The following CDC14A variants were observed in gnomAD, a reference collection of about 807,000 sequenced individuals.
The protein encoded by CDC14A is cell division cycle 14A.
In CDC14A, 53 loss-of-function variants were observed where a neutral mutation model predicts 74.4. That is an observed-to-expected ratio of 0.71 (90% CI 0.57 to 0.89). CDC14A has a LOEUF of 0.89. Ranked by LOEUF, CDC14A falls within the 40% of genes least tolerant of loss-of-function variation. CDC14A has a pLI of 0.00. For synonymous variants in CDC14A, 247 were observed against 258.4 expected, an observed-to-expected ratio of 0.96 and a Z score of 0.43; for missense variants, 646 against 713.7, an observed-to-expected ratio of 0.91 and a Z score of 1.08.
chr1:100,377,113 C>T (rs528141113), intron 2 of CDC14A, among the ~76,000 whole-genome samples: 7 of 151,794 alleles, frequency 4.6e-5, no homozygotes, highest in Non-Finnish European at 1.0e-4. Flanking sequence ...TGGCTCACCG[C>T]AACCTCCACC....
intron 5 of CDC14A, among the ~76,000 whole-genome samples, chr1:100,435,039 T>A (rs958909714): frequency 1.1e-4 from 17 of 152,154 alleles, no homozygotes; most frequent in African/African-American, 3.1e-4. Flanking sequence ...ATTAGAAACT[T>A]GAGGTGGGGC....
chr1:100,370,039 A>T (rs888475436), intron 2 of CDC14A, among the ~76,000 whole-genome samples: 1 of 151,190 alleles, frequency 6.6e-6, no homozygotes, highest in African/African-American at 2.4e-5. Flanking sequence ...GCTGGAGTGT[A>T]GTGGCACCAT....
intron 4 of CDC14A, among the ~76,000 whole-genome samples, chr1:100,413,307 G>A (rs538189913): frequency 6.6e-6 from 1 of 152,260 alleles, no homozygotes; most frequent in African/African-American, 2.4e-5. Context: ...CTATTCTTCA[G>A]TGAGTTCAAA....
At chr1:100,351,602 G>A (rs946561332), upstream of CDC14A, 3 of 652,926 alleles carry the variant, frequency 4.6e-6, no homozygotes, top group Non-Finnish European at 5.3e-6. Context: ...TTGGACCAGT[G>A]GACTCTCCTC....
At chr1:100,475,069 C>G (rs75512186) in intron 10 of CDC14A, among the ~76,000 whole-genome samples, 8,625 of 152,146 alleles carry the variant, frequency 0.057, 830 homozygotes, top group African/African-American at 0.2. Flanking sequence ...TATAGTCCCA[C>G]AGCTCTCTGG....
At chr1:100,517,025 T>C (rs1454371521) in intron 15 of CDC14A, among the ~76,000 whole-genome samples, 1 of 152,258 alleles carries the variant, frequency 6.6e-6, no homozygotes, top group African/African-American at 2.4e-5. Flanking sequence ...ATATTACTAT[T>C]TAATGTCGAC....
intron 7 of CDC14A, among the ~76,000 whole-genome samples, chr1:100,444,534 C>T (rs370283658): frequency 2.0e-5 from 3 of 152,172 alleles, no homozygotes; most frequent in East Asian, 1.9e-4. Context: ...CTTCACTGTA[C>T]GTACTCTGTG....
At chr1:100,360,465 T>A (rs571871218) in intron 2 of CDC14A, among the ~76,000 whole-genome samples, 3 of 151,916 alleles carry the variant, frequency 2.0e-5, no homozygotes, top group African/African-American at 7.2e-5. Context: ...CACCTCAGCC[T>A]CCCGAATAGC....
upstream of CDC14A, chr1:100,351,671 C>A (rs1035434227): frequency 3.5e-6 from 5 of 1,413,170 alleles, no homozygotes; most frequent in African/African-American, 5.7e-5. Context: ...CCCGCCCCTC[C>A]GGGACCGGAG....
At chr1:100,459,028 T>C (rs1027619137) in intron 8 of CDC14A, among the ~76,000 whole-genome samples, 4 of 151,758 alleles carry the variant, frequency 2.6e-5, no homozygotes, top group African/African-American at 7.3e-5. Flanking sequence ...ATATTTTGGA[T>C]TTCAGATTTT....
chr1:100,402,692 C>A (rs1385643034), intron 4 of CDC14A, among the ~76,000 whole-genome samples: 1 of 152,154 alleles, frequency 6.6e-6, no homozygotes, highest in Non-Finnish European at 1.5e-5. Flanking sequence ...CAAGATCAAA[C>A]CCAGCTAATG....
At chr1:100,473,499 G>T (rs1412103729) in intron 10 of CDC14A, among the ~76,000 whole-genome samples, 1 of 152,024 alleles carries the variant, frequency 6.6e-6, no homozygotes, top group Non-Finnish European at 1.5e-5. Context: ...TGATTCTCCT[G>T]CCTCAGCCTC....
At chr1:100,516,378 G>A (rs1650228775) in intron 15 of CDC14A, among the ~76,000 whole-genome samples, 1 of 152,088 alleles carries the variant, frequency 6.6e-6, no homozygotes, top group South Asian at 2.1e-4. Context: ...CTTGTCTAAT[G>A]TTTATTTGCT....
At position 100,352,795 on chromosome 1, in the gene CDC14A, C is replaced by T. The variant is rs992703079; in HGVS notation, c.-160C>T. 285 of 1,437,048 alleles carry T rather than the reference C, an allele frequency of 2.0e-4. 1 individual carries two copies. The highest frequency in any genetic ancestry group is 2.4e-4 in the Non-Finnish European group (265 of 1,102,114). The allele number at this position is 1,437,048 out of a possible 1,614,324, so 89.0% of individuals were successfully genotyped here. On this transcript the variant is annotated 5_prime_UTR_variant, in exon 1 of 16. Transcript: ENST00000336454. ...TCCCCGGGGCGCCCGGCGCGCTGACCCCGAAGCCGCCTCCGCCTTCGGCGC... is the reference window on the plus strand; with the variant it reads ...TCCCCGGGGCGCCCGGCGCGCTGACTCCGAAGCCGCCTCCGCCTTCGGCGC...
In CDC14A at chr1:100,352,764, G is replaced by A; in HGVS notation, c.-191G>A. Reference sequence around the variant, plus strand: ...CGCGGAGCGAGCTCGGGTTCCCCTCGGAATGTCCCCGGGGCGCCCGGCGCG... The same window carrying A: ...CGCGGAGCGAGCTCGGGTTCCCCTCAGAATGTCCCCGGGGCGCCCGGCGCG... On this transcript the variant is annotated 5_prime_UTR_variant, in exon 1 of 16. Transcript: ENST00000336454. The A allele has an allele frequency of 2.1e-6, 3 of 1,411,850 alleles. No individual in the cohort carries two copies. 87.5% of individuals were successfully genotyped at this position (1,411,850 alleles called of 1,614,324 possible).
At chr1:100,498,273 G>A (rs980522837) in intron 14 of CDC14A, 66 bp downstream of exon 14, 6 of 1,557,054 alleles carry the variant, frequency 3.9e-6, no homozygotes, top group African/African-American at 1.4e-5. Context: ...CAGGCGATGA[G>A]TTTAGCTGCA....
chr1:100,388,697 C>T (rs1657215463), intron 3 of CDC14A, among the ~76,000 whole-genome samples: 1 of 152,124 alleles, frequency 6.6e-6, no homozygotes, highest in Non-Finnish European at 1.5e-5. Context: ...GCCTCCATCT[C>T]CTGAGCTTAA....
intron 4 of CDC14A, among the ~76,000 whole-genome samples, chr1:100,420,721 C>A (rs1030254387): frequency 6.6e-6 from 1 of 152,016 alleles, no homozygotes; most frequent in East Asian, 1.9e-4. Context: ...CATGGTGGTA[C>A]CTACGGCAGA....
intron 2 of CDC14A, among the ~76,000 whole-genome samples, chr1:100,374,522 A>G (rs1463140177): frequency 6.6e-6 from 1 of 152,094 alleles, no homozygotes; most frequent in African/African-American, 2.4e-5. Flanking sequence ...ATGGTATCTC[A>G]TTGTAGTTTT....
Sources: allele counts gnomAD v4.1 joint callset (sites outside exome capture counted in the v4.1 genomes callset), GRCh38; gene constraint gnomAD v4.1.1; transcripts MANE v1.5; gene names NCBI Gene and HGNC (gene_info 2026-07-23, HGNC 2026-07-21).